The following COL24A1 variants were observed in gnomAD, a reference collection of about 807,000 sequenced individuals.
COL24A1 encodes the protein collagen alpha-1(XXIV) chain.
COL24A1 carries 224 observed loss-of-function variants against 253.9 expected under a neutral mutation model. The observed-to-expected ratio is 0.88, with a 90% CI of 0.79 to 0.99. COL24A1 has a LOEUF of 0.99. COL24A1 is among the 50% of genes least tolerant of loss of function. The pLI, the probability that COL24A1 is intolerant of heterozygous loss-of-function variation, is 0.00. For synonymous variants in COL24A1, 685 were observed against 673.7 expected, an observed-to-expected ratio of 1.02 and a Z score of -0.26; for missense variants, 2,131 against 2,068.5, an observed-to-expected ratio of 1.03 and a Z score of -0.59.
intron 24 of COL24A1, among the ~76,000 whole-genome samples, chr1:85,923,378 C>A (rs1465554229): frequency 6.6e-6 from 1 of 152,262 alleles, no homozygotes; most frequent in South Asian, 2.1e-4. Context: ...GCCTTCTCAG[C>A]AACACATCAC....
chr1:86,133,228 T>C (rs1325167964), intron 2 of COL24A1, among the ~76,000 whole-genome samples: 1 of 152,128 alleles, frequency 6.6e-6, no homozygotes, highest in Non-Finnish European at 1.5e-5. Flanking sequence ...CTGAAGTTGC[T>C]TATCAGCTTA....
At chr1:86,098,809 C>T (rs955739512) in intron 5 of COL24A1, among the ~76,000 whole-genome samples, 1 of 152,106 alleles carries the variant, frequency 6.6e-6, no homozygotes, top group Non-Finnish European at 1.5e-5. Flanking sequence ...TAAAAATGAA[C>T]AGTCTTCAAT....
At chr1:85,967,642 G>T (rs1691697200) in intron 22 of COL24A1, among the ~76,000 whole-genome samples, 1 of 152,168 alleles carries the variant, frequency 6.6e-6, no homozygotes, top group African/African-American at 2.4e-5. Context: ...GGGAGAGCAA[G>T]TCCACAGACG....
At chr1:85,898,151 T>C (rs1451268339) in intron 28 of COL24A1, among the ~76,000 whole-genome samples, 5 of 152,172 alleles carry the variant, frequency 3.3e-5, no homozygotes, top group African/African-American at 1.2e-4. Context: ...GAAGTTCACT[T>C]ACAAATAATT....
intron 5 of COL24A1, among the ~76,000 whole-genome samples, chr1:86,096,127 G>A (rs1703875247): frequency 6.6e-6 from 1 of 151,928 alleles, no homozygotes; most frequent in Admixed American, 6.6e-5. Context: ...AATTCTCTAT[G>A]GATTATAAAG....
At position 85,952,560 on chromosome 1, in the gene COL24A1, G is replaced by C. The variant is rs532619854; in HGVS notation, c.2562+8689C>G. ...GACAAATTAGGCAGAATCACATATG[G>C]TAGATTCATTTAACAAAATCTTGTA... On this transcript the variant is annotated intron_variant, in intron 24 of 59. Coordinates refer to ENST00000370571, the MANE Select transcript of COL24A1 (RefSeq NM_152890.7). Among the ~76,000 whole-genome samples the C allele has an allele frequency of 1.1e-3, 172 of 152,338 alleles. 1 individual carries two copies. The highest frequency in any genetic ancestry group is 3.8e-3 in the African/African-American group (157 of 41,590).
intron 24 of COL24A1, among the ~76,000 whole-genome samples, chr1:85,926,373 C>T (rs1687219911): frequency 6.6e-6 from 1 of 152,186 alleles, no homozygotes; most frequent in Admixed American, 6.5e-5. Flanking sequence ...GACACATGCA[C>T]ACGTATGTTT....
chr1:85,746,163 A>G (rs1254367841), intron 55 of COL24A1, among the ~76,000 whole-genome samples: 1 of 151,952 alleles, frequency 6.6e-6, no homozygotes, highest in East Asian at 1.9e-4. Flanking sequence ...GAGTTGGGAG[A>G]AGGTTCTGGG....
At chr1:86,084,618 T>C (rs1035947686) in intron 7 of COL24A1, among the ~76,000 whole-genome samples, 1 of 152,214 alleles carries the variant, frequency 6.6e-6, no homozygotes, top group African/African-American at 2.4e-5. Flanking sequence ...TAACAGCTTA[T>C]TCTAAGAACA....
intron 20 of COL24A1, among the ~76,000 whole-genome samples, chr1:85,976,474 G>T (rs1191848070): frequency 6.6e-6 from 1 of 152,104 alleles, no homozygotes; most frequent in Non-Finnish European, 1.5e-5. Context: ...CAGGAGTGTG[G>T]CAAGCCCTGC....
chr1:86,071,761 A>T (rs1701888749), intron 7 of COL24A1, among the ~76,000 whole-genome samples: 1 of 152,184 alleles, frequency 6.6e-6, no homozygotes, highest in Non-Finnish European at 1.5e-5. Flanking sequence ...GGAGCTAAAG[A>T]GAGAGATAGA....
At chr1:85,896,514 G>A (rs1001121861) in intron 28 of COL24A1, 105 bp from the exon 29 acceptor site, 7 of 782,588 alleles carry the variant, frequency 8.9e-6, no homozygotes, top group Non-Finnish European at 1.4e-5. Context: ...TTTTTTTTTT[G>A]AGACGGAGTC....
At chr1:85,921,211 A>T (rs902226294) in intron 24 of COL24A1, among the ~76,000 whole-genome samples, 9 of 152,206 alleles carry the variant, frequency 5.9e-5, no homozygotes, top group African/African-American at 2.2e-4. Flanking sequence ...TACACCTGGA[A>T]AATCGGGACA....
chr1:86,110,660 C>G (rs79325096), intron 5 of COL24A1, among the ~76,000 whole-genome samples: 1 of 151,956 alleles, frequency 6.6e-6, no homozygotes, highest in East Asian at 1.9e-4. Flanking sequence ...CCAGCGGCCC[C>G]GGGCAGTGAG....
chr1:86,151,520 A>G (rs945327532), intron 1 of COL24A1, among the ~76,000 whole-genome samples: 1 of 152,198 alleles, frequency 6.6e-6, no homozygotes, highest in Non-Finnish European at 1.5e-5. Context: ...GCTGCTAGTC[A>G]CATTTTCACT....
intron 2 of COL24A1, among the ~76,000 whole-genome samples, chr1:86,133,326 A>G (rs772209529): frequency 6.6e-6 from 1 of 152,010 alleles, no homozygotes; most frequent in Non-Finnish European, 1.5e-5. Context: ...CTCTTTTCCT[A>G]ATTGAATACC....
chr1:85,853,932 A>G (rs1011439606), intron 37 of COL24A1, among the ~76,000 whole-genome samples: 9 of 152,048 alleles, frequency 5.9e-5, no homozygotes, highest in Non-Finnish European at 1.2e-4. Context: ...TACTCTTTTG[A>G]CAGTTTCTTT....
intron 47 of COL24A1, among the ~76,000 whole-genome samples, chr1:85,787,371 C>T (rs1248404307): frequency 6.6e-6 from 1 of 152,112 alleles, no homozygotes; most frequent in Non-Finnish European, 1.5e-5. Context: ...GCCTCTGTCC[C>T]ACCTCCACCA....
chr1:85,730,468 CTG>C lies in COL24A1; in HGVS notation c.*76_*77del. 2.1e-6 allele frequency: 3 copies of C among 1,443,270 alleles called. No homozygotes were observed. The highest frequency in any genetic ancestry group is 2.9e-6 in the Non-Finnish European group (3 of 1,042,158). 89.4% of individuals were successfully genotyped at this position (1,443,270 alleles called of 1,614,324 possible). ...CTTTATTACATGCATTTCATAATGA[CTG>C]TATCTGTCTGTCTTATTTCTCCCTC... On this transcript the variant is annotated 3_prime_UTR_variant, in exon 60 of 60. Coordinates refer to ENST00000370571, the MANE Select transcript of COL24A1 (RefSeq NM_152890.7).
Sources: allele counts gnomAD v4.1 joint callset (sites outside exome capture counted in the v4.1 genomes callset), GRCh38; gene constraint gnomAD v4.1.1; transcripts MANE v1.5; gene names NCBI Gene and HGNC (gene_info 2026-07-23, HGNC 2026-07-21).